Variants in ZNF813 observed in about 807,000 individuals in gnomAD.
The protein encoded by ZNF813 is zinc finger protein 813.
Under a neutral mutation model 7.2 loss-of-function variants are expected in ZNF813, and 3 were observed. That is an observed-to-expected ratio of 0.42 (90% CI 0.19 to 1.08). ZNF813 has a LOEUF of 1.08. Ranked by LOEUF, ZNF813 falls within the 50% of genes least tolerant of loss-of-function variation. The probability of loss-of-function intolerance (pLI) is 0.30; values close to 1 mark genes in which losing one functional copy is unlikely to be tolerated. For missense variants in ZNF813, 714 were observed against 753.3 expected, an observed-to-expected ratio of 0.95 and a Z score of 0.61; for synonymous variants, 227 against 256.3, an observed-to-expected ratio of 0.89 and a Z score of 1.09.
In ZNF813 at chr19:53,490,975, G is replaced by A. The variant is rs752347034; in HGVS notation, c.743G>A (p.Cys248Tyr). 1 of 1,614,200 alleles carries A rather than the reference G, an allele frequency of 6.2e-7. No homozygotes were observed. Among genetic ancestry groups the A allele is most frequent in the Admixed American group, 1.7e-5 (1 of 60,028 alleles). The change falls in exon 4 of 4, where the codon TGT becomes TAT. Residue 248 changes from cysteine (C) to tyrosine (Y), a missense_variant. Coordinates refer to ENST00000396403, the MANE Select transcript of ZNF813 (RefSeq NM_001004301.4). ...GAGAAACAATATAAATGTGATGTAT[G>A]TGGCAAGGTCTTTAATCGGAAGCGA... ...LGEKQYKCDVCGKVFNRKRNL... is the reference protein window; with the variant it reads ...LGEKQYKCDVYGKVFNRKRNL...
Position 53,492,149 on chromosome 19 carries a change from G to C in ZNF813, c.*63G>C. On this transcript the variant is annotated 3_prime_UTR_variant, in exon 4 of 4. Coordinates refer to ENST00000396403, the MANE Select transcript of ZNF813 (RefSeq NM_001004301.4). ...GAAAGAAACAAGTGCAATGAGTGTG[G>C]CAAGACCTTCTGTCACAATTCAGTC... 1 of 1,556,174 alleles carries C rather than the reference G, an allele frequency of 6.4e-7. No individual in the cohort carries two copies. Among genetic ancestry groups the C allele is most frequent in the South Asian group, 1.2e-5 (1 of 84,378 alleles).
In ZNF813 at chr19:53,496,007, A is replaced by G; in HGVS notation, c.*3921A>G. ...AAATCAGGTACGACTCCAAAAGGAG[A>G]CATTGGAGAAGAACGAAGCGGGGTC... On this transcript the variant is annotated 3_prime_UTR_variant, in exon 4 of 4. Coordinates refer to ENST00000396403, the MANE Select transcript of ZNF813 (RefSeq NM_001004301.4). The G allele has an allele frequency of 2.8e-6, 1 of 362,898 alleles. No homozygotes were observed. Among genetic ancestry groups the G allele is most frequent in the Non-Finnish European group, 5.4e-6 (1 of 184,290 alleles). 22.5% of individuals were successfully genotyped at this position (362,898 alleles called of 1,614,324 possible). A position where few individuals can be genotyped will look rare whatever the true frequency, so the allele number is the denominator to read the frequency against.
Position 53,491,393 on chromosome 19 carries a change from A to T in ZNF813, c.1161A>T (p.Glu387Asp). The change falls in exon 4 of 4, where the codon GAA (glutamate) becomes GAT (aspartate). Residue 387 changes from glutamate (E) to aspartate (D), a missense_variant. Physicochemically the swap from Glu to Asp is conservative, Grantham distance 45 (BLOSUM62 2). Coordinates refer to ENST00000396403, the MANE Select transcript of ZNF813 (RefSeq NM_001004301.4). ...GAGAGAAACCTTATAAGTGTAATGA[A>T]TGTGGCAAGACCTTCAGTCAGGAGT... ...HTGEKPYKCN[E>D]CGKTFSQELT... The T allele has an allele frequency of 6.2e-7, 1 of 1,613,198 alleles. No homozygotes were observed. The highest frequency in any genetic ancestry group is 8.5e-7 in the Non-Finnish European group (1 of 1,179,378).
chr19:53,479,009 A>T (rs1341222256), intron 1 of ZNF813, among the ~76,000 whole-genome samples: 1 of 150,988 alleles, frequency 6.6e-6, no homozygotes, highest in East Asian at 2.0e-4. Flanking sequence ...ATGTCAGTTC[A>T]CTGCAACCTC....
At chr19:53,478,361 C>T (rs1424593032) in intron 1 of ZNF813, among the ~76,000 whole-genome samples, 1 of 151,722 alleles carries the variant, frequency 6.6e-6, no homozygotes, top group African/African-American at 2.4e-5. Context: ...TTTGTAGAAA[C>T]GGGTTTCGCT....
chr19:53,476,487 C>G (rs867493525), intron 1 of ZNF813, among the ~76,000 whole-genome samples: 5 of 151,914 alleles, frequency 3.3e-5, no homozygotes, highest in Non-Finnish European at 7.4e-5. Flanking sequence ...AAACTGGCCA[C>G]ATGCGGTGGC....
At chr19:53,485,647 T>C (rs1457203670) in intron 2 of ZNF813, among the ~76,000 whole-genome samples, 1 of 149,116 alleles carries the variant, frequency 6.7e-6, no homozygotes, top group Admixed American at 6.7e-5. Context: ...TACATGTATG[T>C]CATGACATAT....
chr19:53,487,499 C>G (rs1040998604), intron 3 of ZNF813, among the ~76,000 whole-genome samples: 1 of 152,092 alleles, frequency 6.6e-6, no homozygotes, highest in African/African-American at 2.4e-5. Flanking sequence ...GGCTCTGCCT[C>G]TCCAGCTCAA....
intron 1 of ZNF813, among the ~76,000 whole-genome samples, chr19:53,481,767 T>C (rs1459698747): frequency 6.6e-6 from 1 of 152,240 alleles, no homozygotes; most frequent in Non-Finnish European, 1.5e-5. Flanking sequence ...TAAATGTTAC[T>C]GTGATTTTCT....
rs776018153 is a variant in ZNF813, at chr19:53,491,633, C to T, written c.1401C>T (p.Tyr467=). The change falls in exon 4 of 4, where the codon TAC becomes TAT. Residue 467 remains tyrosine, a synonymous_variant. Transcript: ENST00000396403. ...HKAIHIGEKR[Y]KCNECGKTFS... ...CTATTCATATTGGAGAGAAACGTTA[C>T]AAGTGTAATGAGTGTGGCAAGACGT... The T allele has an allele frequency of 6.2e-7, 1 of 1,613,848 alleles. No individual in the cohort carries two copies. Among genetic ancestry groups the T allele is most frequent in the East Asian group, 2.2e-5 (1 of 44,866 alleles).
Position 53,490,396 on chromosome 19 carries a change from T to C in ZNF813, c.164T>C (p.Met55Thr), listed in dbSNP as rs538553993. ...VSLDISSKCM[M>T]KEFSSTAQGN... ...GTAGATATCTCTTCCAAATGCATGA[T>C]GAAGGAGTTCTCATCAACAGCACAA... is the stretch of plus-strand genomic sequence containing the variant. Residue 55 changes from methionine (M) to threonine (T), a missense_variant, in exon 4 of 4, where the codon ATG becomes ACG. By Grantham distance (81) the Met-to-Thr change is moderately conservative. Coordinates refer to ENST00000396403, the MANE Select transcript of ZNF813 (RefSeq NM_001004301.4). The C allele has an allele frequency of 2.0e-5, 32 of 1,614,106 alleles. No homozygotes were observed. Among genetic ancestry groups the C allele is most frequent in the East Asian group, 6.7e-5 (3 of 44,882 alleles).
In ZNF813 at chr19:53,490,919, C is replaced by T; in HGVS notation, c.687C>T (p.Leu229=). The T allele has an allele frequency of 1.2e-6, 2 of 1,614,124 alleles. No individual in the cohort carries two copies. Among genetic ancestry groups the T allele is most frequent in the Non-Finnish European group, 1.7e-6 (2 of 1,179,994 alleles). The stretch of plus-strand genomic sequence containing the variant: ...GCAAAGCCTTTAATTATAGCTCACT[C>T]TTAAGGAAACATCAAATAATCCATT... ...ESGKAFNYSS[L]LRKHQIIHLG... Residue 229 remains leucine (L), a synonymous_variant, in exon 4 of 4, where the codon CTC becomes CTT. Coordinates refer to ENST00000396403, the MANE Select transcript of ZNF813 (RefSeq NM_001004301.4).
rs200658542 is a variant in ZNF813, at chr19:53,472,607, C to CTTTTT, written c.-74+4821_-74+4822insTTTTT. ...AGATGGTCTGATTATAAGTACAAGT[C>CTTTTT]TTTCTTTTTTTTTTTTTTTTTTGAG... On this transcript the variant is annotated intron_variant, in intron 1 of 3. Transcript: ENST00000396403. Among the ~76,000 whole-genome samples the CTTTTT allele has an allele frequency of 9.5e-4, 130 of 136,478 alleles. 1 individual carries two copies. The highest frequency in any genetic ancestry group is 4.2e-3 in the Middle Eastern group (1 of 236). 89.5% of individuals were successfully genotyped at this position (136,478 alleles called of 152,430 possible). A position where few individuals can be genotyped will look rare whatever the true frequency, so the allele number is the denominator to read the frequency against.
intron 1 of ZNF813, among the ~76,000 whole-genome samples, chr19:53,481,341 A>AT (rs1180229389): frequency 4.5e-5 from 4 of 89,210 alleles, no homozygotes; most frequent in African/African-American, 2.4e-4. Context: ...GCACCCATGT[A>AT]TTCTTTTTTT....
chr19:53,470,987 G>A (rs79243317), intron 1 of ZNF813, among the ~76,000 whole-genome samples: 1,983 of 152,190 alleles, frequency 0.013, 23 homozygotes, highest in Non-Finnish European at 0.022. Context: ...ATTGGGGTGC[G>A]GTACCTTTAT....
intron 1 of ZNF813, among the ~76,000 whole-genome samples, chr19:53,473,910 T>C (rs2086370799): frequency 6.6e-6 from 1 of 152,206 alleles, no homozygotes; most frequent in Admixed American, 6.5e-5. Flanking sequence ...AGACCTGATC[T>C]TATCTCAGGT....
At position 53,495,986 on chromosome 19, in the gene ZNF813, C is replaced by T. The variant is rs1372575734; in HGVS notation, c.*3900C>T. On this transcript the variant is annotated 3_prime_UTR_variant, in exon 4 of 4. Coordinates refer to ENST00000396403, the MANE Select transcript of ZNF813 (RefSeq NM_001004301.4). ...TTCAGATCAAAACTGGTAATAAAAT[C>T]AGGTACGACTCCAAAAGGAGACATT... is the stretch of plus-strand genomic sequence containing the variant. 4 of 377,064 alleles carry T rather than the reference C, an allele frequency of 1.1e-5. No individual in the cohort carries two copies. The highest frequency in any genetic ancestry group is 2.1e-5 in the African/African-American group (1 of 47,632). The allele number at this position is 377,064 out of a possible 1,614,324, so 23.4% of individuals were successfully genotyped here.
chr19:53,481,945 C>G (rs1218911828), intron 1 of ZNF813, among the ~76,000 whole-genome samples: 1 of 152,158 alleles, frequency 6.6e-6, no homozygotes, highest in East Asian at 1.9e-4. Context: ...AGAATTCAGG[C>G]ACACATTTTC....
intron 1 of ZNF813, among the ~76,000 whole-genome samples, chr19:53,482,061 C>A (rs116789297): frequency 0.016 from 2,510 of 152,266 alleles, 64 homozygotes; most frequent in African/African-American, 0.058. Context: ...CAGAAAAGCT[C>A]AACCTGAATG....
Sources: allele counts gnomAD v4.1 joint callset (sites outside exome capture counted in the v4.1 genomes callset), GRCh38; gene constraint gnomAD v4.1.1; transcripts MANE v1.5; gene names NCBI Gene and HGNC (gene_info 2026-07-23, HGNC 2026-07-21).